The following GPBP1 variants were observed in gnomAD, a reference collection of about 807,000 sequenced individuals.
The protein encoded by GPBP1 is vasculin.
In GPBP1, 13 loss-of-function variants were observed where a neutral mutation model predicts 56.5. The ratio of observed to expected loss-of-function variants is 0.23; its 90% CI spans 0.15 to 0.37. The LOEUF (loss-of-function observed/expected upper bound fraction) is 0.37. Ranked by LOEUF, GPBP1 falls within the 10% of genes least tolerant of loss-of-function variation. The probability of loss-of-function intolerance (pLI) is 1.00; values close to 1 mark genes in which losing one functional copy is unlikely to be tolerated. For synonymous variants in GPBP1, 204 were observed against 188.9 expected (o/e 1.08, Z -0.66); for missense variants, 477 against 572.3 (o/e 0.83, Z 1.70).
chr5:57,181,062 A>C (rs1014690672), intron 2 of GPBP1, among the ~76,000 whole-genome samples: 1 of 152,246 alleles, frequency 6.6e-6, no homozygotes, highest in Non-Finnish European at 1.5e-5. Context: ...GGCCAGGTGC[A>C]GTGGCTCATG....
intron 2 of GPBP1, among the ~76,000 whole-genome samples, chr5:57,185,828 TGTCTTTACAAAAAGTATAAAA>T (rs1295474203): frequency 6.7e-6 from 1 of 150,086 alleles, no homozygotes; most frequent in Non-Finnish European, 1.5e-5. Flanking sequence ...GATGAAAACC[TGTCTTTACAAAAAGTATAAAA>T]GTAAGCCTGG....
At chr5:57,198,993 ATC>A (rs1346017189) in intron 2 of GPBP1, among the ~76,000 whole-genome samples, 2 of 152,212 alleles carry the variant, frequency 1.3e-5, no homozygotes, top group Non-Finnish European at 2.9e-5. Flanking sequence ...ATCTTACTAT[ATC>A]TCATGATGAT....
At chr5:57,246,249 T>C (rs749188053) in intron 6 of GPBP1, 51 bp from the exon 7 acceptor site, 2 of 1,454,790 alleles carry the variant, frequency 1.4e-6, no homozygotes, top group South Asian at 1.3e-5. Flanking sequence ...TTTTATTCTA[T>C]ACTAAAACTT....
chr5:57,230,856 A>G lies in GPBP1; in HGVS notation c.74A>G (p.Asn25Ser). The change falls in exon 4 of 12, where the codon AAT becomes AGT. Residue 25 changes from asparagine (N) to serine (S), a missense_variant. This residue lies in a region of GPBP1 where 414 missense variants were observed against 458.2 expected (regional missense o/e 0.90). Transcript: ENST00000506184. ...TATAATTTGTTTCAGTCGTCATTGA[A>G]TTTTGAGAAGCATTCTGAAAACTTT... ...TPPSSTKSSLNFEKHSENFAW... is the reference protein window; with the variant it reads ...TPPSSTKSSLSFEKHSENFAW... 6.2e-7 allele frequency: 1 copy of G among 1,605,466 alleles called. No homozygotes were observed. The highest frequency in any genetic ancestry group is 8.5e-7 in the Non-Finnish European group (1 of 1,176,682).
At chr5:57,184,398 C>T (rs888695767) in intron 2 of GPBP1, among the ~76,000 whole-genome samples, 1 of 151,990 alleles carries the variant, frequency 6.6e-6, no homozygotes, top group Non-Finnish European at 1.5e-5. Context: ...GTGGCATCTG[C>T]TTGGCTTCTG....
chr5:57,255,254 C>G (rs62356960), intron 10 of GPBP1, among the ~76,000 whole-genome samples: 31,430 of 152,056 alleles, frequency 0.21, 4,007 homozygotes, highest in Middle Eastern at 0.3. Context: ...TCCTCTCTTT[C>G]CTTTCCTCTT....
chr5:57,238,089 A>G (rs527525807), intron 6 of GPBP1, among the ~76,000 whole-genome samples: 9 of 152,300 alleles, frequency 5.9e-5, no homozygotes, highest in African/African-American at 2.2e-4. Context: ...GCTATTAGGT[A>G]CATAAAATTA....
chr5:57,258,732 C>T (rs1202406263), intron 10 of GPBP1, among the ~76,000 whole-genome samples: 2 of 152,158 alleles, frequency 1.3e-5, no homozygotes, highest in African/African-American at 2.4e-5. Context: ...CCTCCCACCT[C>T]GGTCTCTCAA....
chr5:57,187,122 A>T (rs1159325525), intron 2 of GPBP1, among the ~76,000 whole-genome samples: 1 of 151,908 alleles, frequency 6.6e-6, no homozygotes, highest in Non-Finnish European at 1.5e-5. Context: ...TTCTGCTTTA[A>T]CATTGGATGT....
chr5:57,219,125 C>T (rs569714134), intron 3 of GPBP1, among the ~76,000 whole-genome samples: 1 of 151,940 alleles, frequency 6.6e-6, no homozygotes, highest in Admixed American at 6.6e-5. Flanking sequence ...TCTGTAATCC[C>T]AGCACTTTAG....
intron 2 of GPBP1, among the ~76,000 whole-genome samples, chr5:57,185,182 C>T (rs1326323362): frequency 1.3e-5 from 2 of 152,020 alleles, no homozygotes; most frequent in East Asian, 3.8e-4. Context: ...TGTGTGCCTT[C>T]CCACCAGCAA....
Position 57,175,751 on chromosome 5 carries a change from C to T in GPBP1, c.-707C>T. On this transcript the variant is annotated 5_prime_UTR_variant, in exon 2 of 12. Transcript: ENST00000506184. ...CTTCCCCCACCCCGTTGTTGGGGTT[C>T]TTCAGCCGAAACTGAGAGACGTTGA... 2.5e-6 allele frequency: 1 copy of T among 396,450 alleles called. No individual in the cohort carries two copies. Among genetic ancestry groups the T allele is most frequent in the East Asian group, 3.6e-5 (1 of 28,030 alleles). 24.6% of individuals were successfully genotyped at this position (396,450 alleles called of 1,614,324 possible).
At chr5:57,245,029 G>A (rs1457687181) in intron 6 of GPBP1, among the ~76,000 whole-genome samples, 2 of 152,068 alleles carry the variant, frequency 1.3e-5, no homozygotes, top group Non-Finnish European at 2.9e-5. Context: ...GCCATCACGC[G>A]CAGCCTGTTT....
intron 2 of GPBP1, among the ~76,000 whole-genome samples, chr5:57,211,991 C>T (rs1211193101): frequency 6.6e-6 from 1 of 151,856 alleles, no homozygotes; most frequent in Non-Finnish European, 1.5e-5. Flanking sequence ...GGCTAGAGGG[C>T]AGTGGCGCGA....
At position 57,261,164 on chromosome 5, in the gene GPBP1, T is replaced by TTCCTC. The variant is rs1319870077; in HGVS notation, c.1161-11_1161-7dup. On this transcript the variant is annotated splice_polypyrimidine_tract_variant and intron_variant, in intron 10 of 11. Transcript: ENST00000506184. ...GGGTAAGCTTTACATTAAACTTAAT[T>TTCCTC]TCCTCTCCTTTTCAGATTGTTAAAG... The TTCCTC allele has an allele frequency of 6.6e-7, 1 of 1,526,274 alleles. No individual in the cohort carries two copies. The highest frequency in any genetic ancestry group is 1.7e-5 in the Admixed American group (1 of 59,750). The allele number at this position is 1,526,274 out of a possible 1,614,324, so 94.5% of individuals were successfully genotyped here. A position where few individuals can be genotyped will look rare whatever the true frequency, so the allele number is the denominator to read the frequency against.
intron 3 of GPBP1, among the ~76,000 whole-genome samples, chr5:57,224,620 G>C (rs1324829141): frequency 6.6e-6 from 1 of 151,980 alleles, no homozygotes; most frequent in African/African-American, 2.4e-5. Context: ...TAATTTTTTT[G>C]TAGAGATGGG....
At chr5:57,203,875 T>G (rs1012443905) in intron 2 of GPBP1, among the ~76,000 whole-genome samples, 2 of 152,332 alleles carry the variant, frequency 1.3e-5, no homozygotes, top group African/African-American at 4.8e-5. Context: ...CATTGGATAC[T>G]TCTTTCTGGA....
At chr5:57,259,107 C>A (rs1741783768) in intron 10 of GPBP1, among the ~76,000 whole-genome samples, 1 of 152,116 alleles carries the variant, frequency 6.6e-6, no homozygotes, top group Non-Finnish European at 1.5e-5. Context: ...GAAGTCGTGG[C>A]TAAAAGGAAT....
chr5:57,259,409 A>C (rs569311574), intron 10 of GPBP1, among the ~76,000 whole-genome samples: 1 of 152,346 alleles, frequency 6.6e-6, no homozygotes, highest in African/African-American at 2.4e-5. Context: ...AGGTGTAAAT[A>C]AGAGGGGACT....
Sources: allele counts gnomAD v4.1 joint callset (sites outside exome capture counted in the v4.1 genomes callset), GRCh38; gene constraint gnomAD v4.1.1; regional missense constraint gnomAD v4.1.1; transcripts MANE v1.5; gene names NCBI Gene and HGNC (gene_info 2026-07-23, HGNC 2026-07-21).